Variants in EPHA6 observed in about 807,000 individuals in gnomAD.
EPHA6 encodes the protein EPH receptor A6.
In EPHA6, 50 loss-of-function variants were observed where a neutral mutation model predicts 112.0. That is an observed-to-expected ratio of 0.45 (90% CI 0.36 to 0.56). EPHA6 has a LOEUF of 0.56. EPHA6 is among the 20% of genes least tolerant of loss of function. EPHA6 has a pLI of 0.00. For synonymous variants in EPHA6, 529 were observed against 490.7 expected, an observed-to-expected ratio of 1.08 and a Z score of -1.03; for missense variants, 1,280 against 1,417.4, an observed-to-expected ratio of 0.90 and a Z score of 1.56.
rs1356639677 is a variant in EPHA6 at position 97,027,858 on chromosome 3, T to C, written c.1114+39865T>C. On this transcript the variant is annotated intron_variant, in intron 3 of 17. Coordinates refer to ENST00000389672, the MANE Select transcript of EPHA6 (RefSeq NM_001080448.3). Reference sequence around the variant, plus strand: ...TTATCTTACTGATGACCTATTTCTGTTTCTAATAGTTCTTAATCAAGAATG... The same window carrying C: ...TTATCTTACTGATGACCTATTTCTGCTTCTAATAGTTCTTAATCAAGAATG... Among the ~76,000 whole-genome samples, 3 of 152,168 alleles carry C rather than the reference T, an allele frequency of 2.0e-5. No individual in the cohort carries two copies. The East Asian group carries it at 5.8e-4, about 29-fold the overall frequency.
At chr3:97,659,406 A>G (rs904091594) in intron 14 of EPHA6, among the ~76,000 whole-genome samples, 1 of 152,014 alleles carries the variant, frequency 6.6e-6, no homozygotes, top group Non-Finnish European at 1.5e-5. Context: ...AATGAAATTT[A>G]TGCTTTTGAG....
At chr3:97,689,839 A>T (rs2032534813) in intron 14 of EPHA6, among the ~76,000 whole-genome samples, 1 of 152,024 alleles carries the variant, frequency 6.6e-6, no homozygotes, top group African/African-American at 2.4e-5. Flanking sequence ...GCAACTACAA[A>T]TCTTTCTGTG....
At chr3:97,511,994 G>A (rs1411554738) in intron 10 of EPHA6, among the ~76,000 whole-genome samples, 1 of 151,816 alleles carries the variant, frequency 6.6e-6, no homozygotes, top group Admixed American at 6.6e-5. Context: ...TCGCAATCTA[G>A]GACTAGGTGA....
At chr3:97,741,732 C>T (rs1046963568) in intron 16 of EPHA6, among the ~76,000 whole-genome samples, 1 of 152,058 alleles carries the variant, frequency 6.6e-6, no homozygotes, top group Admixed American at 6.6e-5. Context: ...TTTGCTAGTA[C>T]AACACTGCTT....
intron 2 of EPHA6, among the ~76,000 whole-genome samples, chr3:96,948,782 T>C (rs186683720): frequency 9.9e-5 from 15 of 152,262 alleles, no homozygotes; most frequent in African/African-American, 3.1e-4. Flanking sequence ...ATTGTCAAGA[T>C]TGTTTGCTAA....
intron 14 of EPHA6, among the ~76,000 whole-genome samples, chr3:97,655,644 G>A (rs921387491): frequency 2.6e-5 from 4 of 151,256 alleles, no homozygotes; most frequent in Admixed American, 6.6e-5. Context: ...TATATACCCA[G>A]TAATGGGATG....
intron 2 of EPHA6, among the ~76,000 whole-genome samples, chr3:96,962,324 T>G (rs1338812307): frequency 6.6e-6 from 1 of 151,856 alleles, no homozygotes; most frequent in Non-Finnish European, 1.5e-5. Context: ...CCTGATATTC[T>G]CTAAAGCAGA....
chr3:97,682,122 C>T (rs1160330557), intron 14 of EPHA6, among the ~76,000 whole-genome samples: 1 of 151,958 alleles, frequency 6.6e-6, no homozygotes, highest in Non-Finnish European at 1.5e-5. Flanking sequence ...ATGGAAAGCC[C>T]ATCTAATTAA....
At chr3:97,530,580 G>A (rs1276899217) in intron 10 of EPHA6, among the ~76,000 whole-genome samples, 1 of 150,888 alleles carries the variant, frequency 6.6e-6, no homozygotes, top group African/African-American at 2.4e-5. Context: ...TCCTCCAACA[G>A]GTTGAGAGAA....
intron 1 of EPHA6, among the ~76,000 whole-genome samples, chr3:96,839,657 C>T (rs969004672): frequency 6.6e-6 from 1 of 151,720 alleles, no homozygotes; most frequent in Non-Finnish European, 1.5e-5. Flanking sequence ...ATGAGGAATG[C>T]TATGGAGACT....
chr3:97,681,909 T>C lies in EPHA6; in HGVS notation c.2785-38352T>C, dbSNP rs1448511620. Among the ~76,000 whole-genome samples, 3 of 152,044 alleles carry C rather than the reference T, an allele frequency of 2.0e-5. No individual in the cohort carries two copies. The East Asian group carries it at 5.8e-4, about 29-fold the overall frequency. On this transcript the variant is annotated intron_variant, in intron 14 of 17. Coordinates refer to ENST00000389672, the MANE Select transcript of EPHA6 (RefSeq NM_001080448.3). ...TCTACTTAGTTCTGTATAATCTGAATCTGTTAACAAAAATATATTACATAT... is the reference window on the plus strand; with the variant it reads ...TCTACTTAGTTCTGTATAATCTGAACCTGTTAACAAAAATATATTACATAT...
intron 14 of EPHA6, among the ~76,000 whole-genome samples, chr3:97,714,955 A>G (rs1317071783): frequency 6.6e-6 from 1 of 152,272 alleles, no homozygotes; most frequent in Non-Finnish European, 1.5e-5. Flanking sequence ...GAGTTAAAAA[A>G]TAAAAAGAAA....
intron 3 of EPHA6, among the ~76,000 whole-genome samples, chr3:97,049,061 A>G (rs1033298029): frequency 2.6e-5 from 4 of 152,228 alleles, no homozygotes; most frequent in Non-Finnish European, 5.9e-5. Context: ...AGACAGAAGC[A>G]TATCGGAAGA....
intron 11 of EPHA6, among the ~76,000 whole-genome samples, chr3:97,578,767 C>A (rs1368573348): frequency 6.6e-6 from 1 of 152,104 alleles, no homozygotes; most frequent in Non-Finnish European, 1.5e-5. Flanking sequence ...ACTAGATATG[C>A]ATCATAAATT....
At chr3:97,032,784 C>T (rs13327006) in intron 3 of EPHA6, among the ~76,000 whole-genome samples, 2,767 of 152,012 alleles carry the variant, frequency 0.018, 71 homozygotes, top group African/African-American at 0.052. Flanking sequence ...TATTCAACCC[C>T]AGACCTTACC....
intron 6 of EPHA6, among the ~76,000 whole-genome samples, chr3:97,435,879 C>G (rs915463779): frequency 6.6e-6 from 1 of 152,154 alleles, no homozygotes; most frequent in African/African-American, 2.4e-5. Context: ...TTGAATTACT[C>G]TACTCGCATT....
At chr3:97,116,709 A>C (rs1005515689) in intron 3 of EPHA6, among the ~76,000 whole-genome samples, 6 of 151,524 alleles carry the variant, frequency 4.0e-5, no homozygotes, top group South Asian at 2.1e-4. Context: ...CATTATGTAT[A>C]TATACCATTT....
At chr3:97,020,286 G>A (rs2044410230) in intron 3 of EPHA6, among the ~76,000 whole-genome samples, 1 of 152,150 alleles carries the variant, frequency 6.6e-6, no homozygotes, top group African/African-American at 2.4e-5. Context: ...TGATAGAGAT[G>A]AAAAATATAG....
chr3:96,906,414 ATTC>A (rs1036998010), intron 2 of EPHA6, among the ~76,000 whole-genome samples: 12 of 151,984 alleles, frequency 7.9e-5, no homozygotes, highest in African/African-American at 2.9e-4. Context: ...TTGGAACCCT[ATTC>A]TTCATGCTCT....
Sources: gnomAD v4.1 joint callset for allele counts (sites outside exome capture counted in the v4.1 genomes callset) on GRCh38, gnomAD v4.1.1 for gene constraint, MANE v1.5 for transcripts, NCBI Gene and HGNC (gene_info 2026-07-23, HGNC 2026-07-21) for gene names.